Variants in NHEJ1 observed in about 807,000 individuals in gnomAD.
NHEJ1 encodes the protein non-homologous end-joining factor 1.
Under a neutral mutation model 39.4 loss-of-function variants are expected in NHEJ1, and 22 were observed. The observed-to-expected ratio is 0.56, with a 90% CI of 0.40 to 0.80. The LOEUF (loss-of-function observed/expected upper bound fraction) is 0.80, where lower values mean the gene tolerates loss of function less well. Ranked by LOEUF, NHEJ1 falls within the 30% of genes least tolerant of loss-of-function variation. The pLI, the probability that NHEJ1 is intolerant of heterozygous loss-of-function variation, is 0.00. For synonymous variants in NHEJ1, 154 were observed against 135.6 expected, an observed-to-expected ratio of 1.14 and a Z score of -0.94; for missense variants, 329 against 357.1, an observed-to-expected ratio of 0.92 and a Z score of 0.63.
chr2:219,085,298 T>G (rs1420110441), intron 5 of NHEJ1, among the ~76,000 whole-genome samples: 1 of 152,224 alleles, frequency 6.6e-6, no homozygotes, highest in Non-Finnish European at 1.5e-5. Context: ...AGCTCATCAC[T>G]TGGATGAGCT....
chr2:219,087,407 A>C (rs1400583527), intron 5 of NHEJ1, among the ~76,000 whole-genome samples: 2 of 151,964 alleles, frequency 1.3e-5, no homozygotes, highest in Non-Finnish European at 2.9e-5. Context: ...CTTGGTGCGA[A>C]GAGAGGACAG....
At chr2:219,090,304 A>G (rs1684372418) in intron 5 of NHEJ1, among the ~76,000 whole-genome samples, 1 of 152,098 alleles carries the variant, frequency 6.6e-6, no homozygotes, top group Non-Finnish European at 1.5e-5. Context: ...CTTCATCTCT[A>G]AGCCTTAGTT....
intron 5 of NHEJ1, among the ~76,000 whole-genome samples, chr2:219,085,271 CA>C (rs1321032158): frequency 9.9e-5 from 15 of 152,206 alleles, no homozygotes; most frequent in African/African-American, 3.4e-4. Context: ...CCTTTCTCCT[CA>C]TTTCAAATTT....
chr2:219,076,485 G>C (rs368183044), intron 7 of NHEJ1, 30 bp from the exon 8 acceptor site: 9 of 1,604,842 alleles, frequency 5.6e-6, no homozygotes, highest in Non-Finnish European at 7.7e-6. Context: ...AGTTAGTAGG[G>C]GTTTTGAAAT....
intron 5 of NHEJ1, among the ~76,000 whole-genome samples, chr2:219,101,134 G>A (rs1412441618): frequency 1.3e-5 from 2 of 152,062 alleles, no homozygotes; most frequent in African/African-American, 4.8e-5. Flanking sequence ...TATTTATTGG[G>A]GATGGAGTCT....
At chr2:219,157,989 TCTCACACACACACACACACACA>T (rs1168119795) in intron 2 of NHEJ1, among the ~76,000 whole-genome samples, 175 bp downstream of exon 2, 1 of 119,068 alleles carries the variant, frequency 8.4e-6, no homozygotes. Context: ...TCTCTCTCTC[TCTCACACACACACACACACACA>T]CACACACACA....
At position 219,070,030 on chromosome 2, in the gene NHEJ1, T is replaced by G. The variant is rs1948942262; in HGVS notation, c.*6351A>C. On this transcript the variant is annotated 3_prime_UTR_variant, in exon 8 of 8. Coordinates refer to ENST00000356853, the MANE Select transcript of NHEJ1 (RefSeq NM_024782.3). ...ACATGCATTAACTCAAATTATATAC[T>G]TATTGACTGCACTGAGTGCTTATTC... Among the ~76,000 whole-genome samples the G allele has an allele frequency of 6.6e-6, 1 of 152,188 alleles. No homozygotes were observed. Among genetic ancestry groups the G allele is most frequent in the Admixed American group, 6.5e-5 (1 of 15,282 alleles).
chr2:219,142,594 G>A (rs1007460599), intron 5 of NHEJ1, among the ~76,000 whole-genome samples: 2 of 152,228 alleles, frequency 1.3e-5, no homozygotes, highest in Admixed American at 1.3e-4. Context: ...TGGAGAGAGC[G>A]AGGCATGGAC....
chr2:219,158,408 G>A, intron 1 of NHEJ1, 46 bp from the exon 2 acceptor site: 3 of 1,589,360 alleles, frequency 1.9e-6, no homozygotes, highest in Non-Finnish European at 2.6e-6. Context: ...GGTCATGCTG[G>A]CCTAGGGAGG....
chr2:219,150,603 T>C (rs940722053), intron 3 of NHEJ1, among the ~76,000 whole-genome samples: 4 of 152,226 alleles, frequency 2.6e-5, no homozygotes, highest in African/African-American at 7.2e-5. Flanking sequence ...GCGGATCGCT[T>C]GAGCTTAGGA....
At chr2:219,114,439 C>T (rs1307297277) in intron 5 of NHEJ1, among the ~76,000 whole-genome samples, 5 of 152,152 alleles carry the variant, frequency 3.3e-5, no homozygotes. Context: ...ATGTCTTGGC[C>T]TAAGCAAGCA....
chr2:219,110,886 C>G (rs767685843), intron 5 of NHEJ1, among the ~76,000 whole-genome samples: 1 of 152,110 alleles, frequency 6.6e-6, no homozygotes, highest in African/African-American at 2.4e-5. Context: ...CATTTCAGAT[C>G]CTTTGGCTCT....
chr2:219,081,315 G>C (rs1949065219), intron 5 of NHEJ1, among the ~76,000 whole-genome samples: 1 of 152,150 alleles, frequency 6.6e-6, no homozygotes, highest in Admixed American at 6.5e-5. Flanking sequence ...CCTGGGGCAG[G>C]CGGCAGAGAT....
chr2:219,123,994 G>A (rs999484545), intron 5 of NHEJ1, among the ~76,000 whole-genome samples: 2 of 152,180 alleles, frequency 1.3e-5, no homozygotes, highest in African/African-American at 4.8e-5. Context: ...GGTAGAGAGA[G>A]GGAGAAGGAA....
intron 5 of NHEJ1, among the ~76,000 whole-genome samples, chr2:219,099,672 C>T (rs1574711106): frequency 6.6e-6 from 1 of 151,938 alleles, no homozygotes; most frequent in Non-Finnish European, 1.5e-5. Context: ...ATAAGGAAGA[C>T]GTGCATCCCA....
intron 5 of NHEJ1, among the ~76,000 whole-genome samples, chr2:219,134,184 A>AC (rs1219568454): frequency 6.6e-6 from 1 of 152,094 alleles, no homozygotes; most frequent in Non-Finnish European, 1.5e-5. Flanking sequence ...TCAGTCAGTT[A>AC]CCCCTTCTCT....
rs563662955 is a variant in NHEJ1, at chr2:219,071,341, C to T, written c.*5040G>A. On this transcript the variant is annotated 3_prime_UTR_variant, in exon 8 of 8. Transcript: ENST00000356853. ...CCATAAAGCTAGGAGGACTCTGGCC[C>T]GGGAGAGGGGGGTAGGGGTTAGGCA... Among the ~76,000 whole-genome samples, 23 of 152,240 alleles carry T rather than the reference C, an allele frequency of 1.5e-4. No individual in the cohort carries two copies. Among genetic ancestry groups the T allele is most frequent in the Non-Finnish European group, 3.2e-4 (22 of 68,010 alleles).
chr2:219,145,906 T>C (rs1021074790), intron 5 of NHEJ1, among the ~76,000 whole-genome samples: 2 of 143,848 alleles, frequency 1.4e-5, no homozygotes, highest in East Asian at 2.0e-4. Context: ...CACTCCAGCC[T>C]GGACAACAAG....
chr2:219,112,113 T>G (rs961621725), intron 5 of NHEJ1, among the ~76,000 whole-genome samples: 18 of 152,074 alleles, frequency 1.2e-4, no homozygotes, highest in African/African-American at 4.1e-4. Flanking sequence ...GAATGAGAAA[T>G]ACAACAGAGA....
Sources: allele counts gnomAD v4.1 joint callset (sites outside exome capture counted in the v4.1 genomes callset), GRCh38; gene constraint gnomAD v4.1.1; transcripts MANE v1.5; gene names NCBI Gene and HGNC (gene_info 2026-07-23, HGNC 2026-07-21).